The following CEP128 variants were observed in gnomAD, a reference collection of about 807,000 sequenced individuals.
The protein encoded by CEP128 is centrosomal protein 128kDa.
CEP128 carries 132 observed loss-of-function variants against 156.7 expected under a neutral mutation model. That is an observed-to-expected ratio of 0.84 (90% CI 0.73 to 0.97). The LOEUF is 0.97. CEP128 is among the 50% of genes least tolerant of loss of function. CEP128 has a pLI of 0.00. For synonymous variants in CEP128, 469 were observed against 448.9 expected (o/e 1.04, Z -0.57); for missense variants, 1,252 against 1,281.9 (o/e 0.98, Z 0.36).
At chr14:80,510,245 A>C (rs1338361036) in intron 23 of CEP128, among the ~76,000 whole-genome samples, 1 of 152,160 alleles carries the variant, frequency 6.6e-6, no homozygotes, top group Non-Finnish European at 1.5e-5. Context: ...CTTACAATCC[A>C]TGACCATAAA....
At chr14:80,548,393 T>TA (rs1400475709) in intron 21 of CEP128, among the ~76,000 whole-genome samples, 1 of 152,206 alleles carries the variant, frequency 6.6e-6, no homozygotes, top group East Asian at 1.9e-4. Context: ...TTAAAGACTT[T>TA]AAAATGTGTA....
intron 8 of CEP128, among the ~76,000 whole-genome samples, chr14:80,894,176 G>A (rs1331512274): frequency 1.3e-5 from 2 of 151,764 alleles, no homozygotes; most frequent in Non-Finnish European, 3.0e-5. Context: ...TTCAATAGAC[G>A]GTCCCATTAA....
At chr14:80,716,757 T>C (rs1374527197) in intron 19 of CEP128, among the ~76,000 whole-genome samples, 5 of 152,222 alleles carry the variant, frequency 3.3e-5, no homozygotes, top group Non-Finnish European at 7.4e-5. Context: ...CTCTTGGGCA[T>C]ATTTCTAGGT....
At chr14:80,774,973 A>G (rs1340887501) in intron 16 of CEP128, among the ~76,000 whole-genome samples, 1 of 152,178 alleles carries the variant, frequency 6.6e-6, no homozygotes, top group Non-Finnish European at 1.5e-5. Context: ...TATTTTTATT[A>G]CTAACACATC....
At chr14:80,821,583 TCACACACATACACACATACACACACACA>T (rs2139998968) in intron 13 of CEP128, among the ~76,000 whole-genome samples, 2 of 135,078 alleles carry the variant, frequency 1.5e-5, no homozygotes, top group African/African-American at 5.5e-5. Context: ...AAGTTATATG[TCACACACATACACACATACACACACACA>T]CACACACACA....
chr14:80,732,270 C>CA (rs1371087036), intron 19 of CEP128, among the ~76,000 whole-genome samples: 2 of 151,780 alleles, frequency 1.3e-5, no homozygotes, highest in East Asian at 1.9e-4. Flanking sequence ...AGTGGTAAAA[C>CA]AAAAAAATTG....
intron 18 of CEP128, among the ~76,000 whole-genome samples, chr14:80,745,201 T>A (rs1043946511): frequency 4.6e-5 from 7 of 152,082 alleles, no homozygotes; most frequent in Admixed American, 4.6e-4. Flanking sequence ...TAGCACTTCA[T>A]CCTTTGCTCT....
intron 19 of CEP128, among the ~76,000 whole-genome samples, chr14:80,636,700 A>T (rs1032356331): frequency 2.0e-5 from 3 of 152,184 alleles, no homozygotes; most frequent in Non-Finnish European, 4.4e-5. Context: ...CTAATATTAT[A>T]TTCTTCCTGG....
rs571415206 is a variant in CEP128 at position 80,808,572 on chromosome 14, G to A, written c.1210-15462C>T. 1.1e-3 allele frequency among the ~76,000 whole-genome samples: 173 copies of A among 152,204 alleles called. 1 individual carries two copies. Among genetic ancestry groups the A allele is most frequent in the African/African-American group, 3.9e-3 (164 of 41,532 alleles). On this transcript the variant is annotated intron_variant, in intron 13 of 24. Coordinates refer to ENST00000555265, the MANE Select transcript of CEP128 (RefSeq NM_152446.5). Reference sequence around the variant, plus strand: ...CACCGCTACCACTACCTGCATGCAAGCAAGCCATATGAAGACCCAAAATCT... The same window carrying A: ...CACCGCTACCACTACCTGCATGCAAACAAGCCATATGAAGACCCAAAATCT...
At chr14:80,787,263 G>A (rs1465550895) in intron 14 of CEP128, among the ~76,000 whole-genome samples, 1 of 152,154 alleles carries the variant, frequency 6.6e-6, no homozygotes, top group Non-Finnish European at 1.5e-5. Context: ...TCAGGTTTCT[G>A]ATACAACTTG....
chr14:80,712,420 C>A (rs1248671376), intron 19 of CEP128, among the ~76,000 whole-genome samples: 1 of 152,130 alleles, frequency 6.6e-6, no homozygotes, highest in Non-Finnish European at 1.5e-5. Context: ...ACACATCCAA[C>A]CCCTATTACT....
chr14:80,575,760 C>A (rs986743887), intron 20 of CEP128, among the ~76,000 whole-genome samples: 3 of 152,106 alleles, frequency 2.0e-5, no homozygotes, highest in African/African-American at 7.2e-5. Flanking sequence ...TTATTATTAT[C>A]CTTAATTTAC....
At chr14:80,847,025 T>A (rs1271181033) in intron 9 of CEP128, among the ~76,000 whole-genome samples, 2 of 152,196 alleles carry the variant, frequency 1.3e-5, no homozygotes, top group Non-Finnish European at 2.9e-5. Flanking sequence ...TCTAAGTAGC[T>A]AGCTTGCTCT....
chr14:80,612,999 C>A (rs917500225), intron 19 of CEP128, among the ~76,000 whole-genome samples: 3 of 140,512 alleles, frequency 2.1e-5, no homozygotes, highest in Admixed American at 8.0e-5. Flanking sequence ...CGCCGCCACA[C>A]CCGGCGAATT....
intron 16 of CEP128, among the ~76,000 whole-genome samples, chr14:80,763,096 A>C: frequency 6.6e-6 from 1 of 152,168 alleles, no homozygotes; most frequent in East Asian, 1.9e-4. Context: ...GGCAAACTAT[A>C]ATCAGACTAT....
chr14:80,638,471 G>A (rs982951866), intron 19 of CEP128, among the ~76,000 whole-genome samples: 4 of 152,098 alleles, frequency 2.6e-5, no homozygotes, highest in East Asian at 1.9e-4. Flanking sequence ...CTCTTCCCCC[G>A]ATGTGCGTAG....
chr14:80,548,837 A>G (rs1460382280), intron 21 of CEP128, among the ~76,000 whole-genome samples: 3 of 152,170 alleles, frequency 2.0e-5, no homozygotes, highest in Non-Finnish European at 4.4e-5. Flanking sequence ...TCATTATGCA[A>G]TTTCCCAGTG....
rs117858617 is a variant in CEP128, at chr14:80,874,067, T to C, written c.646-11194A>G. ...TATGTCTTTATCAGCAGCATAAAAA[T>C]AAACTAATACAACAAGCATGTTCAC... On this transcript the variant is annotated intron_variant, in intron 8 of 24. Coordinates refer to ENST00000555265, the MANE Select transcript of CEP128 (RefSeq NM_152446.5). Among the ~76,000 whole-genome samples, 1,266 of 152,246 alleles carry C rather than the reference T, an allele frequency of 8.3e-3. 14 individuals carry two copies. The highest frequency in any genetic ancestry group is 0.01 in the Non-Finnish European group (682 of 68,020).
At chr14:80,556,532 C>T (rs781602055) in intron 21 of CEP128, among the ~76,000 whole-genome samples, 3 of 152,012 alleles carry the variant, frequency 2.0e-5, no homozygotes, top group African/African-American at 7.2e-5. Context: ...TTGAGGAAGA[C>T]GGGGAAAAAT....
Sources: allele counts gnomAD v4.1 joint callset (sites outside exome capture counted in the v4.1 genomes callset), GRCh38; gene constraint gnomAD v4.1.1; transcripts MANE v1.5; gene names NCBI Gene and HGNC (gene_info 2026-07-23, HGNC 2026-07-21).